The following RIF1 variants were observed in gnomAD, a reference collection of about 807,000 sequenced individuals.
The protein encoded by RIF1 is replication timing regulatory factor 1.
A neutral mutation model predicts 247.1 loss-of-function variants in RIF1; 45 were observed. The ratio of observed to expected loss-of-function variants is 0.18; its 90% CI spans 0.14 to 0.23. RIF1 has a LOEUF of 0.23. Among genes scored for constraint, RIF1 ranks in the 10% least tolerant of loss-of-function variants. The pLI, the probability that RIF1 is intolerant of heterozygous loss-of-function variation, is 1.00. For missense variants in RIF1, 2,967 were observed against 2,862.5 expected (o/e 1.04, Z -0.83); for synonymous variants, 1,087 against 978.8 (o/e 1.11, Z -2.06).
chr2:151,463,116 G>A lies in RIF1; in HGVS notation c.3596G>A (p.Ser1199Asn), dbSNP rs748616915. 4.3e-6 allele frequency: 7 copies of A among 1,613,828 alleles called. No individual in the cohort carries two copies. In the East Asian group the frequency reaches 1.3e-4, roughly 31 times the overall value. ...SSTENSFVVS[S>N]SSVSNTTVAG... ...ACAGAAAATTCTTTCGTTGTCAGCA[G>A]TAGTTCAGTTTCTAATACCACTGTT... Residue 1199 changes from serine to asparagine, a missense_variant, in exon 30 of 36, where the codon AGT (serine) becomes AAT (asparagine). Ser to Asn is a conservative substitution (Grantham distance 46). Coordinates refer to ENST00000444746, the MANE Select transcript of RIF1 (RefSeq NM_018151.5).
chr2:151,518,846 A>C, the RIF1 span: 1 of 667,112 alleles, frequency 1.5e-6, no homozygotes, highest in African/African-American at 1.8e-5. Context: ...TCAAATGAGA[A>C]CAGTTTTGTA....
intron 1 of RIF1, 143 bp from the exon 2 acceptor site, chr2:151,410,271 G>A (rs1368825865): frequency 1.5e-6 from 1 of 669,682 alleles, no homozygotes; most frequent in Non-Finnish European, 2.6e-6. Context: ...GGGGTTTGGT[G>A]ATTCGGAGGC....
the RIF1 span, chr2:151,524,366 A>C: frequency 6.2e-7 from 1 of 1,613,984 alleles, no homozygotes; most frequent in Non-Finnish European, 8.5e-7. Flanking sequence ...GCGACCGAGC[A>C]TGCTTAAGCC....
chr2:151,428,709 T>A, intron 8 of RIF1, 75 bp from the exon 9 acceptor site: 1 of 1,151,264 alleles, frequency 8.7e-7, no homozygotes, highest in East Asian at 2.3e-5. Flanking sequence ...GTTAAGTGAA[T>A]GAATAAAGGA....
intron 11 of RIF1, among the ~76,000 whole-genome samples, chr2:151,501,763 T>C (rs1356578518): frequency 1.3e-5 from 2 of 152,084 alleles, no homozygotes; most frequent in African/African-American, 4.8e-5. Context: ...GAGTATCAAA[T>C]AGCATTCAAA....
chr2:151,451,764 T>G, intron 21 of RIF1, 59 bp downstream of exon 21: 1 of 892,614 alleles, frequency 1.1e-6, no homozygotes, highest in South Asian at 1.4e-5. Context: ...TACTGAACTT[T>G]GCCAGGGGAA....
chr2:151,423,247 A>G, intron 8 of RIF1: 2 of 489,546 alleles, frequency 4.1e-6, no homozygotes, highest in Non-Finnish European at 7.1e-6. Flanking sequence ...CCAAAGTGGC[A>G]AAGAATTGGA....
chr2:151,508,230 T>TTAAC, downstream of RIF1: 2 of 618,658 alleles, frequency 3.2e-6, no homozygotes, highest in South Asian at 2.3e-5. Flanking sequence ...TTGTATTTTC[T>TTAAC]TAACTGTCCA....
downstream of RIF1, among the ~76,000 whole-genome samples, chr2:151,511,908 T>C (rs2074698906): frequency 6.6e-6 from 1 of 152,156 alleles, no homozygotes. Context: ...ATAAGAGATT[T>C]TACATGTTAA....
intron 9 of RIF1, chr2:151,493,810 C>G: frequency 6.3e-7 from 1 of 1,586,902 alleles, no homozygotes; most frequent in South Asian, 1.2e-5. Context: ...TTCACTCTTT[C>G]CATCTCAGGA....
At chr2:151,495,864 T>C (rs1279872313) in intron 10 of RIF1, among the ~76,000 whole-genome samples, 1 of 152,132 alleles carries the variant, frequency 6.6e-6, no homozygotes, top group East Asian at 1.9e-4. Context: ...TCTGACAGGG[T>C]AAATTAGAAC....
At chr2:151,508,794 C>T (rs921847111), downstream of RIF1, among the ~76,000 whole-genome samples, 2 of 152,258 alleles carry the variant, frequency 1.3e-5, no homozygotes, top group Admixed American at 1.3e-4. Context: ...CCTTGGGCTC[C>T]CCTGTCCTGC....
At chr2:151,458,109 T>G in intron 24 of RIF1, 146 bp downstream of exon 24, 2 of 564,860 alleles carry the variant, frequency 3.5e-6, no homozygotes, top group Middle Eastern at 4.7e-4. Flanking sequence ...TACATGATAA[T>G]TATTAAACAT....
chr2:151,504,950 TAC>T (rs1057116912), intron 12 of RIF1, among the ~76,000 whole-genome samples: 5 of 152,032 alleles, frequency 3.3e-5, no homozygotes, highest in African/African-American at 1.2e-4. Flanking sequence ...GAGCAAAGAA[TAC>T]AGGAGAAGAA....
chr2:151,411,808 C>A, intron 3 of RIF1, among the ~76,000 whole-genome samples: 1 of 152,240 alleles, frequency 6.6e-6, no homozygotes, highest in East Asian at 1.9e-4. Context: ...TAAAGCTTCT[C>A]AGGTACTTTC....
Position 151,455,007 on chromosome 2 carries a change from C to T in RIF1, c.2457C>T (p.Phe819=). ...TCTATTCTTTCCACACACTGAGCTT[C>T]AAGGAAGCACATTCTGATACCCTCT... ...KVIYSFHTLS[F]KEAHSDTLFT... The change falls in exon 22 of 36, where the codon TTC becomes TTT. Residue 819 remains phenylalanine (F), a synonymous_variant. Coordinates refer to ENST00000444746, the MANE Select transcript of RIF1 (RefSeq NM_018151.5). 6.2e-7 allele frequency: 1 copy of T among 1,613,908 alleles called. No individual in the cohort carries two copies. Among genetic ancestry groups the T allele is most frequent in the South Asian group, 1.1e-5 (1 of 91,074 alleles).
rs35001554 is a variant in RIF1 at position 151,426,168 on chromosome 2, A to ATTTTTTTTTTTTTTTTT, written c.787-2608_787-2592dup. Among the ~76,000 whole-genome samples the ATTTTTTTTTTTTTTTTT allele has an allele frequency of 1.0e-3, 60 of 58,210 alleles. 8 individuals are homozygous for ATTTTTTTTTTTTTTTTT. The highest frequency in any genetic ancestry group is 4.8e-3 in the East Asian group (7 of 1,470). 38.2% of individuals were successfully genotyped at this position (58,210 alleles called of 152,430 possible). A position where few individuals can be genotyped will look rare whatever the true frequency, so the allele number is the denominator to read the frequency against. On this transcript the variant is annotated intron_variant, in intron 8 of 35. Coordinates refer to ENST00000444746, the MANE Select transcript of RIF1 (RefSeq NM_018151.5). The stretch of plus-strand genomic sequence containing the variant: ...TTTTTCAGGATTGTTTTGGCTTTTA[A>ATTTTTTTTTTTTTTTTT]TTTTTTTTTTTTTTTTTTTTTTTTG...
chr2:151,499,707 C>T (rs1337762220), intron 11 of RIF1, among the ~76,000 whole-genome samples: 1 of 152,050 alleles, frequency 6.6e-6, no homozygotes, highest in Non-Finnish European at 1.5e-5. Context: ...AGAAAAATTG[C>T]TTAAGTTAGA....
At chr2:151,501,430 C>T (rs2064454822) in intron 11 of RIF1, 1 of 1,548,440 alleles carries the variant, frequency 6.5e-7, no homozygotes, top group Non-Finnish European at 8.7e-7. Flanking sequence ...CTCGCTCCAT[C>T]TCAGGAGTGA....
Sources: allele counts gnomAD v4.1 joint callset (sites outside exome capture counted in the v4.1 genomes callset), GRCh38; gene constraint gnomAD v4.1.1; transcripts MANE v1.5; gene names NCBI Gene and HGNC (gene_info 2026-07-23, HGNC 2026-07-21).